The following RAB39B variants were observed in gnomAD, a reference collection of about 807,000 sequenced individuals.
RAB39B encodes the protein ras-related protein Rab-39B.
For missense variants in RAB39B, 68 were observed against 171.3 expected (o/e 0.40, Z 3.37); for synonymous variants, 63 against 67.5 (o/e 0.93, Z 0.33).
Position 155,264,412 on chromosome X carries a change from G to C in RAB39B, c.-124C>G. The C allele has an allele frequency of 3.1e-6, 2 of 655,193 alleles. No homozygotes were observed. The highest frequency in any genetic ancestry group is 2.6e-5 in the South Asian group (1 of 39,134). 54.0% of individuals were successfully genotyped at this position (655,193 alleles called of 1,213,427 possible). A position where few individuals can be genotyped will look rare whatever the true frequency, so the allele number is the denominator to read the frequency against. On this transcript the variant is annotated 5_prime_UTR_variant, in exon 1 of 2. Coordinates refer to ENST00000369454, the MANE Select transcript of RAB39B (RefSeq NM_171998.4). ...AGCCGCGAGCGCATCGCTGGCCTGGGAGCCCGAAGCTGGGTAGGCCCAGGC... is the reference window on the plus strand; with the variant it reads ...AGCCGCGAGCGCATCGCTGGCCTGGCAGCCCGAAGCTGGGTAGGCCCAGGC...
Position 155,260,959 on chromosome X carries a change from T to C in RAB39B, c.486A>G (p.Lys162=). The change falls in exon 2 of 2, where the codon AAA becomes AAG. Residue 162 remains lysine, a synonymous_variant. Transcript: ENST00000369454. ...TGTCTCTTGTCAGGTCTGTGAAGGC[T>C]TTCTCCACATTAATGGCATCTCGGG... is the stretch of plus-strand genomic sequence containing the variant. ...TSARDAINVE[K]AFTDLTRDIY... 8.3e-7 allele frequency: 1 copy of C among 1,211,610 alleles called. No individual in the cohort carries two copies. Among genetic ancestry groups the C allele is most frequent in the Non-Finnish European group, 1.1e-6 (1 of 895,397 alleles).
chrX:155,261,009 C>T lies in RAB39B; in HGVS notation c.436G>A (p.Gly146Ser), dbSNP rs2074851805. ...GCTGACGTTTCAATGTACTTCATGC[C>T]GTATGCAGCAGCCAGTTTCTCGGCC... ...HEAEKLAAAY[G>S]MKYIETSARD... The change falls in exon 2 of 2, where the codon GGC becomes AGC. Residue 146 changes from glycine (G) to serine (S), a missense_variant. By Grantham distance (56) the Gly-to-Ser change is moderately conservative. Coordinates refer to ENST00000369454, the MANE Select transcript of RAB39B (RefSeq NM_171998.4). 2 of 1,209,841 alleles carry T rather than the reference C, an allele frequency of 1.7e-6. No homozygotes were observed. Among genetic ancestry groups the T allele is most frequent in the Admixed American group, 2.2e-5 (1 of 45,766 alleles).
Position 155,264,020 on chromosome X carries a change from G to T in RAB39B, c.215+54C>A. ...CAGGAAGTCCTCTCTCCCCAGAGGC[G>T]GTGCAAACCCCGAAGACCCTCCCAC... On this transcript the variant is annotated intron_variant, in intron 1 of 1. Transcript: ENST00000369454. 3 of 1,084,387 alleles carry T rather than the reference G, an allele frequency of 2.8e-6. No individual in the cohort carries two copies. In the South Asian group the frequency reaches 5.5e-5, roughly 20 times the overall value. 89.4% of individuals were successfully genotyped at this position (1,084,387 alleles called of 1,213,427 possible).
In RAB39B at chrX:155,260,619, C is replaced by A. The variant is rs2124125981; in HGVS notation, c.*184G>T. 1 of 496,028 alleles carries A rather than the reference C, an allele frequency of 2.0e-6. No individual in the cohort carries two copies. The highest frequency in any genetic ancestry group is 3.5e-5 in the East Asian group (1 of 28,303). The allele number at this position is 496,028 out of a possible 1,213,427, so 40.9% of individuals were successfully genotyped here. A position where few individuals can be genotyped will look rare whatever the true frequency, so the allele number is the denominator to read the frequency against. On this transcript the variant is annotated 3_prime_UTR_variant, in exon 2 of 2. Transcript: ENST00000369454. ...CTGGCCCATGTCAGCAATTCAGTCCCTTGGTCACAGCACTCAGGCACCCCC... is the reference window on the plus strand; with the variant it reads ...CTGGCCCATGTCAGCAATTCAGTCCATTGGTCACAGCACTCAGGCACCCCC...
In RAB39B at chrX:155,259,200, A is replaced by T. The variant is rs1012344584; in HGVS notation, c.*1603T>A. 2 of 111,583 alleles carry T rather than the reference A, an allele frequency of 1.8e-5. No individual in the cohort carries two copies. The highest frequency in any genetic ancestry group is 3.8e-5 in the Non-Finnish European group (2 of 53,137). The allele number at this position is 111,583 out of a possible 1,213,427, so 9.2% of individuals were successfully genotyped here. On this transcript the variant is annotated 3_prime_UTR_variant, in exon 2 of 2. Coordinates refer to ENST00000369454, the MANE Select transcript of RAB39B (RefSeq NM_171998.4). ...AGAATAGTTTTTTTTTTTAATTGTGAAAAGTATGGCTTTTGCCTAGCTGAA... is the reference window on the plus strand; with the variant it reads ...AGAATAGTTTTTTTTTTTAATTGTGTAAAGTATGGCTTTTGCCTAGCTGAA...
Position 155,264,222 on chromosome X carries a change from A to C in RAB39B, c.67T>G (p.Cys23Gly). ...VIGDSTVGKS[C>G]LIRRFTEGRF... ...CCCTCGGTGAAGCGGCGGATCAGGC[A>C]GGACTTGCCCACTGTGGAATCCCCG... Residue 23 changes from cysteine (C) to glycine (G), a missense_variant, in exon 1 of 2, where the codon TGC becomes GGC. Physicochemically the swap from Cys to Gly is radical, Grantham distance 159. Coordinates refer to ENST00000369454, the MANE Select transcript of RAB39B (RefSeq NM_171998.4). 8.2e-7 allele frequency: 1 copy of C among 1,212,413 alleles called. No individual in the cohort carries two copies. Among genetic ancestry groups the C allele is most frequent in the Non-Finnish European group, 1.1e-6 (1 of 895,565 alleles).
At chrX:155,261,764 A>T (rs1557314302) in intron 1 of RAB39B, among the ~76,000 whole-genome samples, 2 of 111,592 alleles carry the variant, frequency 1.8e-5, no homozygotes. Context: ...AAATATTTAA[A>T]GTAGGTATCT....
chrX:155,263,429 A>G, intron 1 of RAB39B, among the ~76,000 whole-genome samples: 1 of 112,398 alleles, frequency 8.9e-6, no homozygotes, highest in Non-Finnish European at 1.9e-5. Context: ...ACACTTTCGT[A>G]ATTGCTGATT....
Position 155,260,750 on chromosome X carries a change from C to T in RAB39B, c.*53G>A, listed in dbSNP as rs996107731. The T allele has an allele frequency of 2.7e-6, 3 of 1,110,730 alleles. No homozygotes were observed. Among genetic ancestry groups the T allele is most frequent in the Non-Finnish European group, 3.7e-6 (3 of 803,582 alleles). The allele number at this position is 1,110,730 out of a possible 1,213,427, so 91.5% of individuals were successfully genotyped here. A position where few individuals can be genotyped will look rare whatever the true frequency, so the allele number is the denominator to read the frequency against. On this transcript the variant is annotated 3_prime_UTR_variant, in exon 2 of 2. Transcript: ENST00000369454. ...AGTTACACAAAGATTCTATTTATTTCTCTTACTTTTCAGTTCAAGTAGGAG... is the reference window on the plus strand; with the variant it reads ...AGTTACACAAAGATTCTATTTATTTTTCTTACTTTTCAGTTCAAGTAGGAG...
chrX:155,264,021 G>C lies in RAB39B; in HGVS notation c.215+53C>G, dbSNP rs956078872. ...AGGAAGTCCTCTCTCCCCAGAGGCGGTGCAAACCCCGAAGACCCTCCCACT... is the reference window on the plus strand; with the variant it reads ...AGGAAGTCCTCTCTCCCCAGAGGCGCTGCAAACCCCGAAGACCCTCCCACT... On this transcript the variant is annotated intron_variant, in intron 1 of 1. Transcript: ENST00000369454. 3.6e-6 allele frequency: 4 copies of C among 1,103,744 alleles called. No homozygotes were observed. In the African/African-American group the frequency reaches 5.5e-5, roughly 15 times the overall value. The allele number at this position is 1,103,744 out of a possible 1,213,427, so 91.0% of individuals were successfully genotyped here.
In RAB39B at chrX:155,261,013, T is replaced by G. The variant is rs1421214737; in HGVS notation, c.432A>C (p.Ala144=). The G allele has an allele frequency of 5.0e-6, 6 of 1,210,187 alleles. No homozygotes were observed. Among genetic ancestry groups the G allele is most frequent in the Non-Finnish European group, 6.7e-6 (6 of 895,243 alleles). Residue 144 remains alanine, a synonymous_variant, in exon 2 of 2, where the codon GCA becomes GCC. Coordinates refer to ENST00000369454, the MANE Select transcript of RAB39B (RefSeq NM_171998.4). ...TRHEAEKLAA[A]YGMKYIETSA... ...ACGTTTCAATGTACTTCATGCCGTATGCAGCAGCCAGTTTCTCGGCCTCGT... is the reference window on the plus strand; with the variant it reads ...ACGTTTCAATGTACTTCATGCCGTAGGCAGCAGCCAGTTTCTCGGCCTCGT...
rs1390361512 is a variant in RAB39B at position 155,259,589 on chromosome X, T to G, written c.*1214A>C. On this transcript the variant is annotated 3_prime_UTR_variant, in exon 2 of 2. Transcript: ENST00000369454. The stretch of plus-strand genomic sequence containing the variant: ...TCTTGTCAATAATGCCTGAATGGGC[T>G]TTACCTTTGATTCCTTCCCATGTTC... The G allele has an allele frequency of 1.8e-5, 2 of 112,553 alleles. No individual in the cohort carries two copies. Among genetic ancestry groups the G allele is most frequent in the East Asian group, 5.5e-4 (2 of 3,609 alleles). 9.3% of individuals were successfully genotyped at this position (112,553 alleles called of 1,213,427 possible).
chrX:155,262,867 G>T (rs1239782988), intron 1 of RAB39B, among the ~76,000 whole-genome samples: 1 of 112,019 alleles, frequency 8.9e-6, no homozygotes, highest in Non-Finnish European at 1.9e-5. Flanking sequence ...AAATGCAATC[G>T]CAAGTTCAAA....
At chrX:155,262,558 T>C (rs1178151778) in intron 1 of RAB39B, among the ~76,000 whole-genome samples, 1 of 112,407 alleles carries the variant, frequency 8.9e-6, no homozygotes, top group Admixed American at 9.4e-5. Flanking sequence ...TTACATTAAT[T>C]GTTTGTGAGT....
rs782808576 is a variant in RAB39B at position 155,258,332 on chromosome X, C to T, written c.*2471G>A. The T allele has an allele frequency of 8.9e-6, 1 of 112,313 alleles. No homozygotes were observed. Among genetic ancestry groups the T allele is most frequent in the Non-Finnish European group, 1.9e-5 (1 of 53,240 alleles). 9.3% of individuals were successfully genotyped at this position (112,313 alleles called of 1,213,427 possible). A position where few individuals can be genotyped will look rare whatever the true frequency, so the allele number is the denominator to read the frequency against. ...TTTCACATTTCATTACAGTGCACAA[C>T]AAAGTGAGGAAAAGTATACAGTACA... On this transcript the variant is annotated 3_prime_UTR_variant, in exon 2 of 2. Transcript: ENST00000369454.
intron 1 of RAB39B, among the ~76,000 whole-genome samples, chrX:155,262,892 G>A (rs2074857970): frequency 8.9e-6 from 1 of 112,231 alleles, no homozygotes; most frequent in South Asian, 3.7e-4. Context: ...ACCTGTACAA[G>A]GATATTTTCC....
Position 155,264,217 on chromosome X carries a change from C to G in RAB39B, c.72G>C (p.Leu24=). ...AGCGACCCTCGGTGAAGCGGCGGATCAGGCAGGACTTGCCCACTGTGGAAT... is the reference window on the plus strand; with the variant it reads ...AGCGACCCTCGGTGAAGCGGCGGATGAGGCAGGACTTGCCCACTGTGGAAT... The part of the protein sequence containing the change: ...IGDSTVGKSC[L]IRRFTEGRFA... Residue 24 remains leucine, a synonymous_variant, in exon 1 of 2, where the codon CTG becomes CTC. Transcript: ENST00000369454. 1 of 1,212,290 alleles carries G rather than the reference C, an allele frequency of 8.2e-7. No individual in the cohort carries two copies. The highest frequency in any genetic ancestry group is 3.0e-5 in the East Asian group (1 of 33,858).
intron 1 of RAB39B, among the ~76,000 whole-genome samples, chrX:155,262,205 G>T (rs1557314354): frequency 9.0e-6 from 1 of 111,609 alleles, no homozygotes; most frequent in Admixed American, 9.5e-5. Flanking sequence ...TCTATTTTTA[G>T]GTTTTCTGTC....
chrX:155,260,958 C>T lies in RAB39B; in HGVS notation c.487G>A (p.Ala163Thr). ...SARDAINVEK[A>T]FTDLTRDIYE... ...ATGTCTCTTGTCAGGTCTGTGAAGG[C>T]TTTCTCCACATTAATGGCATCTCGG... is the stretch of plus-strand genomic sequence containing the variant. The change falls in exon 2 of 2, where the codon GCC (alanine) becomes ACC (threonine). Residue 163 changes from alanine (A) to threonine (T), a missense_variant. Physicochemically the swap from Ala to Thr is moderately conservative, Grantham distance 58 (BLOSUM62 0). Coordinates refer to ENST00000369454, the MANE Select transcript of RAB39B (RefSeq NM_171998.4). 5 of 1,211,679 alleles carry T rather than the reference C, an allele frequency of 4.1e-6. No individual in the cohort carries two copies. Among genetic ancestry groups the T allele is most frequent in the Non-Finnish European group, 5.6e-6 (5 of 895,409 alleles).
Sources: gnomAD v4.1 joint callset for allele counts (sites outside exome capture counted in the v4.1 genomes callset) on GRCh38, gnomAD v4.1.1 for gene constraint, MANE v1.5 for transcripts, NCBI Gene and HGNC (gene_info 2026-07-23, HGNC 2026-07-21) for gene names.